Variants in DYNLT2 observed in about 807,000 individuals in gnomAD.
DYNLT2 encodes dynein light chain Tctex-type protein 2.
A neutral mutation model predicts 24.3 loss-of-function variants in DYNLT2; 24 were observed. The ratio of observed to expected loss-of-function variants is 0.99; its 90% CI spans 0.71 to 1.39. The LOEUF (loss-of-function observed/expected upper bound fraction) is 1.39, where lower values mean the gene tolerates loss of function less well. Ranked by LOEUF, DYNLT2 falls within the 40% of genes most tolerant of loss-of-function variation. The pLI is 0.00. For missense variants in DYNLT2, 246 were observed against 234.5 expected (o/e 1.05, Z -0.32); for synonymous variants, 85 against 85.4 (o/e 1.00, Z 0.03).
rs1483440353 is a variant in DYNLT2 at position 169,751,488 on chromosome 6, C to T, written c.-30G>A. 2.5e-6 allele frequency: 4 copies of T among 1,607,894 alleles called. No individual in the cohort carries two copies. In the African/African-American group the frequency reaches 5.4e-5, roughly 22 times the overall value. On this transcript the variant is annotated 5_prime_UTR_variant, in exon 1 of 4. Coordinates refer to ENST00000366774, the MANE Select transcript of DYNLT2 (RefSeq NM_174910.3). ...CTCTGTTCTCCAAGACGCCCACCGC[C>T]TCCCCTTCACCGCCGGCGGTCAAAC... is the stretch of plus-strand genomic sequence containing the variant.
intron 1 of DYNLT2, among the ~76,000 whole-genome samples, chr6:169,747,974 C>G (rs1358906414): frequency 6.6e-6 from 1 of 152,132 alleles, no homozygotes; most frequent in Non-Finnish European, 1.5e-5. Context: ...CCTTGATAAG[C>G]CAGATCAGAG....
At chr6:169,742,907 C>A (rs549819731) in intron 3 of DYNLT2, among the ~76,000 whole-genome samples, 173 bp downstream of exon 3, 1 of 152,312 alleles carries the variant, frequency 6.6e-6, no homozygotes, top group East Asian at 1.9e-4. Context: ...CTGGTTTGTA[C>A]TTTTCAAATA....
At chr6:169,740,318 AC>A (rs754542353) in intron 3 of DYNLT2, 23 bp from the exon 4 acceptor site, 1 of 1,463,870 alleles carries the variant, frequency 6.8e-7, no homozygotes, top group Non-Finnish European at 9.6e-7. Context: ...TTTTGTAAAG[AC>A]CAACTTTAGA....
chr6:169,725,608 T>G, the DYNLT2 span: 21 of 314,972 alleles, frequency 6.7e-5, no homozygotes, highest in East Asian at 1.0e-3. Flanking sequence ...TAAATTCTTT[T>G]CACTGATCAG....
At chr6:169,735,137 C>T (rs1789535915), downstream of DYNLT2, among the ~76,000 whole-genome samples, 1 of 151,840 alleles carries the variant, frequency 6.6e-6, no homozygotes, top group African/African-American at 2.4e-5. Flanking sequence ...TGGTGATATC[C>T]CCTTTATCAT....
At chr6:169,730,583 G>A in the DYNLT2 span, among the ~76,000 whole-genome samples, 1 of 152,116 alleles carries the variant, frequency 6.6e-6, no homozygotes, top group Admixed American at 6.5e-5. Context: ...GAATATAGAG[G>A]AGCCTGATGA....
chr6:169,749,340 A>T (rs906952064), intron 1 of DYNLT2, among the ~76,000 whole-genome samples: 5 of 152,210 alleles, frequency 3.3e-5, no homozygotes, highest in African/African-American at 1.2e-4. Flanking sequence ...ACCTCAGGTG[A>T]TCCATCCGCC....
chr6:169,745,395 C>T (rs1421177908), intron 1 of DYNLT2, among the ~76,000 whole-genome samples: 1 of 152,144 alleles, frequency 6.6e-6, no homozygotes, highest in Non-Finnish European at 1.5e-5. Context: ...AGCCACTGCA[C>T]CCAGCATTTG....
At chr6:169,743,336 CTG>C (rs1170331306) in intron 2 of DYNLT2, 98 bp from the exon 3 acceptor site, 24 of 549,968 alleles carry the variant, frequency 4.4e-5, no homozygotes, top group East Asian at 1.9e-4. Flanking sequence ...ATATATATAA[CTG>C]TTTTAAAATA....
At chr6:169,737,117 C>G (rs4716340), downstream of DYNLT2, among the ~76,000 whole-genome samples, 1 of 152,096 alleles carries the variant, frequency 6.6e-6, no homozygotes, top group African/African-American at 2.4e-5. Context: ...GCTGTTGATA[C>G]TTGTGTATGC....
chr6:169,746,073 T>G (rs1198168161), intron 1 of DYNLT2, among the ~76,000 whole-genome samples: 2 of 152,226 alleles, frequency 1.3e-5, no homozygotes, highest in Non-Finnish European at 1.5e-5. Flanking sequence ...GTTCATAATA[T>G]TCTTTCATTA....
downstream of DYNLT2, among the ~76,000 whole-genome samples, chr6:169,739,208 CTTT>C (rs557162178): frequency 7.6e-5 from 10 of 131,456 alleles, no homozygotes; most frequent in Admixed American, 2.3e-4. Flanking sequence ...CAATTTTCTC[CTTT>C]TTTTTTTTTT....
chr6:169,736,528 G>A (rs1164756195), downstream of DYNLT2, among the ~76,000 whole-genome samples: 1 of 152,188 alleles, frequency 6.6e-6, no homozygotes, highest in East Asian at 1.9e-4. Context: ...AAATCCCTCA[G>A]CATTTGCTTG....
chr6:169,744,214 G>C lies in DYNLT2; in HGVS notation c.181C>G (p.Pro61Ala), dbSNP rs76911742. 1 of 1,613,700 alleles carries C rather than the reference G, an allele frequency of 6.2e-7. No individual in the cohort carries two copies. The highest frequency in any genetic ancestry group is 8.5e-7 in the Non-Finnish European group (1 of 1,179,964). ...TCAGCAATTGAGTCATCAAAAGGAG[G>C]CTCCACATACTGAACATTGTGAATT... ...ESIHNVQYVE[P>A]PFDDSIADIG... Residue 61 changes from proline to alanine, a missense_variant, in exon 2 of 4, where the codon CCT (proline) becomes GCT (alanine). Coordinates refer to ENST00000366774, the MANE Select transcript of DYNLT2 (RefSeq NM_174910.3).
At chr6:169,747,323 C>A (rs770762072) in intron 1 of DYNLT2, among the ~76,000 whole-genome samples, 4 of 151,942 alleles carry the variant, frequency 2.6e-5, no homozygotes, top group African/African-American at 4.8e-5. Context: ...GTTCACTGAG[C>A]CTCTTAGATT....
chr6:169,736,711 T>C (rs1384243755), downstream of DYNLT2, among the ~76,000 whole-genome samples: 1 of 152,208 alleles, frequency 6.6e-6, no homozygotes, highest in Admixed American at 6.5e-5. Context: ...TCCCTTTGTA[T>C]GTGACCTGGC....
chr6:169,750,584 A>G (rs1423938052), intron 1 of DYNLT2: 1 of 152,212 alleles, frequency 6.6e-6, no homozygotes, highest in Non-Finnish European at 1.5e-5. Context: ...AGTAAGTACG[A>G]AGAGAAACCA....
rs199908545 is a variant in DYNLT2, at chr6:169,743,067, A to T, written c.486+13T>A. 1 of 1,522,030 alleles carries T rather than the reference A, an allele frequency of 6.6e-7. No individual in the cohort carries two copies. The highest frequency in any genetic ancestry group is 1.4e-5 in the African/African-American group (1 of 72,998). The allele number at this position is 1,522,030 out of a possible 1,614,324, so 94.3% of individuals were successfully genotyped here. A position where few individuals can be genotyped will look rare whatever the true frequency, so the allele number is the denominator to read the frequency against. On this transcript the variant is annotated intron_variant, in intron 3 of 3. Coordinates refer to ENST00000366774, the MANE Select transcript of DYNLT2 (RefSeq NM_174910.3). ...GTTCTAATTGCTAGATCCTGTATCA[A>T]TGGGGTACTTACATTTATTGCTTGG...
chr6:169,738,126 T>A (rs543836632), downstream of DYNLT2, among the ~76,000 whole-genome samples: 1 of 152,326 alleles, frequency 6.6e-6, no homozygotes, highest in East Asian at 1.9e-4. Flanking sequence ...GGACAAGTCA[T>A]GGGACCAAGC....
Sources: gnomAD v4.1 joint callset for allele counts (sites outside exome capture counted in the v4.1 genomes callset) on GRCh38, gnomAD v4.1.1 for gene constraint, MANE v1.5 for transcripts, NCBI Gene and HGNC (gene_info 2026-07-23, HGNC 2026-07-21) for gene names.